CEP192: variants seen among roughly 807,000 people sequenced by gnomAD.
The protein encoded by CEP192 is centrosomal protein 192.
CEP192 carries 151 observed loss-of-function variants against 271.8 expected under a neutral mutation model. The ratio of observed to expected loss-of-function variants is 0.56; its 90% CI spans 0.49 to 0.64. The LOEUF (loss-of-function observed/expected upper bound fraction) is 0.64. Ranked by LOEUF, CEP192 falls within the 30% of genes least tolerant of loss-of-function variation. The pLI, the probability that CEP192 is intolerant of heterozygous loss-of-function variation, is 0.00. For synonymous variants in CEP192, 995 were observed against 1,076.5 expected, an observed-to-expected ratio of 0.92 and a Z score of 1.48; for missense variants, 2,910 against 3,020.5, an observed-to-expected ratio of 0.96 and a Z score of 0.86.
intron 38 of CEP192, 51 bp downstream of exon 38, chr18:13,100,563 C>T (rs1281791221): frequency 7.3e-7 from 1 of 1,367,560 alleles, no homozygotes; most frequent in African/African-American, 1.4e-5. Flanking sequence ...TATATTGAGT[C>T]TAATGCTTTA....
chr18:12,997,264 G>C (rs993046692), intron 1 of CEP192, among the ~76,000 whole-genome samples: 3 of 152,050 alleles, frequency 2.0e-5, no homozygotes, highest in African/African-American at 7.3e-5. Context: ...TATTATTTAG[G>C]TGCACCGGCC....
At chr18:13,029,234 A>G (rs552570780) in intron 9 of CEP192, among the ~76,000 whole-genome samples, 1 of 152,370 alleles carries the variant, frequency 6.6e-6, no homozygotes, top group South Asian at 2.1e-4. Context: ...CATTTGTAGT[A>G]TAAACTGCCT....
intron 11 of CEP192, among the ~76,000 whole-genome samples, chr18:13,036,666 T>C (rs2035934471): frequency 6.6e-6 from 1 of 152,252 alleles, no homozygotes; most frequent in South Asian, 2.1e-4. Context: ...CCCATCCCTC[T>C]GAGGCATTTT....
In CEP192 at chr18:13,076,297, T is replaced by C. The variant is rs548027880; in HGVS notation, c.5616+3112T>C. Among the ~76,000 whole-genome samples the C allele has an allele frequency of 1.9e-3, 286 of 152,340 alleles. 1 individual carries two copies. Among genetic ancestry groups the C allele is most frequent in the African/African-American group, 6.6e-3 (275 of 41,580 alleles). Reference sequence around the variant, plus strand: ...GGCGGGAGTGCAGTGGCATCTCGGCTCACTGCAACCTCTGCCCCCCAGGTT... The same window carrying C: ...GGCGGGAGTGCAGTGGCATCTCGGCCCACTGCAACCTCTGCCCCCCAGGTT... On this transcript the variant is annotated intron_variant, in intron 30 of 44. Coordinates refer to ENST00000506447, the MANE Select transcript of CEP192 (RefSeq NM_032142.4).
At chr18:13,113,775 A>C in intron 41 of CEP192, 70 bp downstream of exon 41, 1 of 1,418,896 alleles carries the variant, frequency 7.0e-7, no homozygotes, top group East Asian at 2.5e-5. Flanking sequence ...ATTAATAAGA[A>C]AAGTTGGCCT....
Position 13,059,191 on chromosome 18 carries a change from T to C in CEP192, c.4367T>C (p.Phe1456Ser). 1 of 1,614,166 alleles carries C rather than the reference T, an allele frequency of 6.2e-7. No individual in the cohort carries two copies. The highest frequency in any genetic ancestry group is 8.5e-7 in the Non-Finnish European group (1 of 1,180,004). The change falls in exon 21 of 45, where the codon TTC (phenylalanine) becomes TCC (serine). Residue 1456 changes from phenylalanine to serine, a missense_variant. Coordinates refer to ENST00000506447, the MANE Select transcript of CEP192 (RefSeq NM_032142.4). The part of the protein sequence containing the change: ...VLFIPSSPGV[F>S]RCTFSVASWP... ...TTTATACCATCCAGTCCTGGGGTTT[T>C]CAGATGCACATTCAGTGTTGCTTCT... is the stretch of plus-strand genomic sequence containing the variant.
intron 21 of CEP192, among the ~76,000 whole-genome samples, chr18:13,061,304 C>T (rs1383918085): frequency 1.3e-5 from 2 of 152,218 alleles, no homozygotes; most frequent in East Asian, 3.8e-4. Context: ...GCCTGGACAA[C>T]AGAGCAAGTC....
In CEP192 at chr18:13,096,199, CTGG is replaced by C; in HGVS notation, c.6450_6452del (p.Gly2151del). On this transcript the variant is annotated inframe_deletion, in exon 36 of 45. Coordinates refer to ENST00000506447, the MANE Select transcript of CEP192 (RefSeq NM_032142.4). ...GACAAAATAGGTGACATGGCAAAAA[CTGG>C]ACGTTTCCAGATTGTGAATAACTCT... is the stretch of plus-strand genomic sequence containing the variant. 1 of 1,613,902 alleles carries C rather than the reference CTGG, an allele frequency of 6.2e-7. No individual in the cohort carries two copies. The highest frequency in any genetic ancestry group is 2.2e-5 in the East Asian group (1 of 44,890).
At chr18:13,067,199 A>G (rs953454058) in intron 21 of CEP192, among the ~76,000 whole-genome samples, 2 of 152,176 alleles carry the variant, frequency 1.3e-5, no homozygotes, top group African/African-American at 4.8e-5. Flanking sequence ...TATTAGGTAC[A>G]TTATGTTAGG....
intron 21 of CEP192, among the ~76,000 whole-genome samples, chr18:13,060,042 G>A (rs564460146): frequency 6.6e-6 from 1 of 152,316 alleles, no homozygotes; most frequent in East Asian, 1.9e-4. Flanking sequence ...TAGAGGAAAA[G>A]CAGAACAGGT....
Position 13,069,801 on chromosome 18 carries a change from G to C in CEP192, c.5119G>C (p.Glu1707Gln). The change falls in exon 27 of 45, where the codon GAA becomes CAA. Residue 1707 changes from glutamate (E) to glutamine (Q), a missense_variant. Coordinates refer to ENST00000506447, the MANE Select transcript of CEP192 (RefSeq NM_032142.4). ...PKNLLLKPGE[E>Q]HEVIVSFTPK... Reference sequence around the variant, plus strand: ...GAATCTACTCCTTAAACCTGGAGAAGAACATGAGGTTATTGTTTCATTTAC... The same window carrying C: ...GAATCTACTCCTTAAACCTGGAGAACAACATGAGGTTATTGTTTCATTTAC... The C allele has an allele frequency of 6.2e-7, 1 of 1,606,386 alleles. No individual in the cohort carries two copies. Among genetic ancestry groups the C allele is most frequent in the Non-Finnish European group, 8.5e-7 (1 of 1,173,268 alleles).
chr18:13,049,340 G>A lies in CEP192; in HGVS notation c.2549G>A (p.Gly850Glu), dbSNP rs1453281990. The change falls in exon 16 of 45, where the codon GGA becomes GAA. Residue 850 changes from glycine to glutamate, a missense_variant. By Grantham distance (98) the Gly-to-Glu change is moderately conservative (BLOSUM62 -2). Transcript: ENST00000506447. ...NTAAIVYVEN[G>E]ESENQESFRT... The stretch of plus-strand genomic sequence containing the variant: ...GCAGCTATTGTTTATGTTGAAAATG[G>A]AGAGAGTGAGAATCAAGAGTCATTT... 4 of 1,614,000 alleles carry A rather than the reference G, an allele frequency of 2.5e-6. No individual in the cohort carries two copies. The highest frequency in any genetic ancestry group is 3.4e-6 in the Non-Finnish European group (4 of 1,179,998).
intron 44 of CEP192, 83 bp downstream of exon 44, chr18:13,117,726 C>T (rs2040497642): frequency 1.0e-6 from 1 of 953,832 alleles, no homozygotes; most frequent in Non-Finnish European, 1.7e-6. Context: ...GAGGTCTCCT[C>T]TGCTGCAGGT....
chr18:13,017,264 G>T lies in CEP192; in HGVS notation c.717G>T (p.Met239Ile), dbSNP rs1226789959. Residue 239 changes from methionine to isoleucine, a missense_variant, in exon 7 of 45, where the codon ATG becomes ATT. Transcript: ENST00000506447. Reference sequence around the variant, plus strand: ...TTGAACAACTGGCAATTCCAGGAATGATATATGAAGACCTAGAAGGACCAG... The same window carrying T: ...TTGAACAACTGGCAATTCCAGGAATTATATATGAAGACCTAGAAGGACCAG... ...AYFEQLAIPGMIYEDLEGPEP... is the reference protein window; with the variant it reads ...AYFEQLAIPGIIYEDLEGPEP... 6.5e-7 allele frequency: 1 copy of T among 1,550,130 alleles called. No individual in the cohort carries two copies. Among genetic ancestry groups the T allele is most frequent in the Non-Finnish European group, 8.7e-7 (1 of 1,145,980 alleles).
chr18:13,050,015 G>GGAAAGAAATTCACAGC, intron 17 of CEP192, 124 bp downstream of exon 17: 1 of 730,258 alleles, frequency 1.4e-6, no homozygotes, highest in Non-Finnish European at 2.1e-6. Context: ...CTTGTAAGCT[G>GGAAAGAAATTCACAGC]TGAATTTCTT....
chr18:13,103,515 G>A lies in CEP192; in HGVS notation c.6878G>A (p.Cys2293Tyr). Residue 2293 changes from cysteine to tyrosine, a missense_variant, in exon 39 of 45, where the codon TGT becomes TAT. Physicochemically the swap from Cys to Tyr is radical, Grantham distance 194. Transcript: ENST00000506447. ...ATATATGTGTTCCTTTTAGAGAGCT[G>A]TCTAGAACTCGAGAATCATGGCACC... ...TTEPGETSES[C>Y]LELENHGTTD... is the part of the protein sequence containing the mutation. 1 of 1,613,434 alleles carries A rather than the reference G, an allele frequency of 6.2e-7. No homozygotes were observed. Among genetic ancestry groups the A allele is most frequent in the Non-Finnish European group, 8.5e-7 (1 of 1,179,510 alleles).
chr18:13,094,436 T>C (rs1333677420), intron 34 of CEP192, among the ~76,000 whole-genome samples: 6 of 152,246 alleles, frequency 3.9e-5, no homozygotes, highest in Admixed American at 3.9e-4. Context: ...TGGAGTGGAC[T>C]CTGGGTGCAG....
intron 12 of CEP192, among the ~76,000 whole-genome samples, chr18:13,037,950 T>C (rs1443767765): frequency 6.6e-6 from 1 of 152,208 alleles, no homozygotes. Flanking sequence ...TTCAATCTTA[T>C]TTTGAAGATT....
intron 27 of CEP192, 29 bp from the exon 28 acceptor site, chr18:13,071,010 C>A (rs762166800): frequency 1.9e-6 from 3 of 1,589,970 alleles, no homozygotes; most frequent in Non-Finnish European, 2.6e-6. Flanking sequence ...GAATACAGGA[C>A]CTTCAACTTA....
Sources: gnomAD v4.1 joint callset for allele counts (sites outside exome capture counted in the v4.1 genomes callset) on GRCh38, gnomAD v4.1.1 for gene constraint, MANE v1.5 for transcripts, NCBI Gene and HGNC (gene_info 2026-07-23, HGNC 2026-07-21) for gene names.